The following SPTBN1 variants were observed in gnomAD, a reference collection of about 807,000 sequenced individuals.
SPTBN1 encodes the protein spectrin beta, non-erythrocytic 1.
A neutral mutation model predicts 266.4 loss-of-function variants in SPTBN1; 32 were observed. The observed-to-expected ratio is 0.12, with a 90% CI of 0.09 to 0.16. The LOEUF is 0.16. Among genes scored for constraint, SPTBN1 ranks in the 10% least tolerant of loss-of-function variants. The pLI, the probability that SPTBN1 is intolerant of heterozygous loss-of-function variation, is 1.00. For missense variants in SPTBN1, 2,296 were observed against 3,067.1 expected, an observed-to-expected ratio of 0.75 and a Z score of 5.94; for synonymous variants, 1,336 against 1,162.2, an observed-to-expected ratio of 1.15 and a Z score of -3.04.
rs983707937 is a variant in SPTBN1, at chr2:54,668,584, C to T, written c.*15C>T. The T allele has an allele frequency of 1.3e-6, 2 of 1,591,674 alleles. No individual in the cohort carries two copies. Among genetic ancestry groups the T allele is most frequent in the Non-Finnish European group, 1.7e-6 (2 of 1,168,374 alleles). ...AAAAGAAATGAACTCCTTTCCTTCA[C>T]CTCCTGCCCTTCTCTTACCTTTTCA... is the stretch of plus-strand genomic sequence containing the variant. On this transcript the variant is annotated 3_prime_UTR_variant, in exon 36 of 36. Transcript: ENST00000356805.
intron 1 of SPTBN1, among the ~76,000 whole-genome samples, chr2:54,500,844 G>A (rs6736028): frequency 1.2e-3 from 186 of 152,224 alleles, no homozygotes; most frequent in African/African-American, 3.8e-3. Context: ...GGCTGGCTGC[G>A]CATTTTAAAG....
intron 2 of SPTBN1, among the ~76,000 whole-genome samples, chr2:54,532,687 C>T (rs1352503812): frequency 6.6e-6 from 1 of 152,220 alleles, no homozygotes; most frequent in African/African-American, 2.4e-5. Context: ...ACTTTCCTGA[C>T]CTCTGACCAG....
chr2:54,521,242 G>A (rs113429619), intron 1 of SPTBN1, among the ~76,000 whole-genome samples: 7,917 of 152,240 alleles, frequency 0.052, 645 homozygotes, highest in African/African-American at 0.17. Context: ...CCATACTGTT[G>A]CCCTCACTCT....
intron 2 of SPTBN1, among the ~76,000 whole-genome samples, chr2:54,561,262 A>G (rs1161324683): frequency 1.3e-5 from 2 of 152,140 alleles, no homozygotes; most frequent in East Asian, 1.9e-4. Context: ...CTCCCACCTC[A>G]GCCTCCCAAG....
chr2:54,545,520 T>G (rs929297617), intron 2 of SPTBN1: 4 of 152,354 alleles, frequency 2.6e-5, no homozygotes, highest in Admixed American at 6.5e-5. Context: ...TTAACAAGCC[T>G]ACTATTCTAT....
chr2:54,472,704 G>A (rs1311870681), intron 1 of SPTBN1, among the ~76,000 whole-genome samples: 1 of 152,022 alleles, frequency 6.6e-6, no homozygotes, highest in African/African-American at 2.4e-5. Context: ...GGGTACCTGG[G>A]TGGGGCTGGG....
chr2:54,578,189 G>A (rs1212900722), intron 2 of SPTBN1, among the ~76,000 whole-genome samples: 1 of 152,204 alleles, frequency 6.6e-6, no homozygotes, highest in Non-Finnish European at 1.5e-5. Context: ...GGATTTAAAA[G>A]TACAGTGTTC....
chr2:54,568,808 C>G (rs890170566), intron 2 of SPTBN1, among the ~76,000 whole-genome samples: 3 of 152,194 alleles, frequency 2.0e-5, no homozygotes, highest in African/African-American at 7.2e-5. Flanking sequence ...TGAGTCCATA[C>G]CTGTTTTATG....
rs761877449 is a variant in SPTBN1, at chr2:54,653,554, A to AT, written c.5578-54dup. 2 of 1,592,952 alleles carry AT rather than the reference A, an allele frequency of 1.3e-6. No homozygotes were observed. The highest frequency in any genetic ancestry group is 2.7e-5 in the African/African-American group (2 of 73,628). On this transcript the variant is annotated intron_variant, in intron 26 of 35. Coordinates refer to ENST00000356805, the MANE Select transcript of SPTBN1 (RefSeq NM_003128.3). The surrounding 1 kb of genome is among the most constrained non-coding windows in gnomAD (Gnocchi z 5.1). ...GCAGAACAGAATAGGGCTTGGGGTG[A>AT]TGGTGGGAAGGCCGCCATGGGCTGA...
intron 2 of SPTBN1, chr2:54,529,720 CA>C (rs1671087937): frequency 1.4e-6 from 1 of 709,340 alleles, no homozygotes; most frequent in Non-Finnish European, 2.6e-6. Context: ...CCAAGGTCAA[CA>C]CCCTGATGGA....
intron 27 of SPTBN1, among the ~76,000 whole-genome samples, chr2:54,654,255 G>A (rs1680500975): frequency 6.6e-6 from 1 of 152,100 alleles, no homozygotes; most frequent in Non-Finnish European, 1.5e-5. Context: ...CTGCTTTTTG[G>A]ATTAAAGACC....
intron 7 of SPTBN1, among the ~76,000 whole-genome samples, chr2:54,618,413 C>G (rs538688997): frequency 1.3e-5 from 2 of 152,108 alleles, no homozygotes; most frequent in African/African-American, 2.4e-5. Context: ...AGAGCGTGTG[C>G]GGGCAGAGCT....
chr2:54,630,480 GC>G (rs1412810839), intron 15 of SPTBN1, among the ~76,000 whole-genome samples: 1 of 152,150 alleles, frequency 6.6e-6, no homozygotes, highest in East Asian at 1.9e-4. Context: ...ATGGCACCTG[GC>G]CCCAGTTTTG....
At chr2:54,630,437 T>C (rs371078068) in intron 15 of SPTBN1, among the ~76,000 whole-genome samples, 17 of 152,244 alleles carry the variant, frequency 1.1e-4, no homozygotes, top group South Asian at 6.2e-4. Flanking sequence ...TCCAGTCTTA[T>C]CTTTCTGTTG....
At position 54,659,966 on chromosome 2, in the gene SPTBN1, A is replaced by G. The variant is rs750869301; in HGVS notation, c.6387A>G (p.Gln2129=). ...WDTSKGEQVS[Q]NGLPAEQGSP... Reference sequence around the variant, plus strand: ...CTTCAAAAGGAGAACAAGTTTCCCAAAACGGTTTGCCAGCTGAACAGGGAT... The same window carrying G: ...CTTCAAAAGGAGAACAAGTTTCCCAGAACGGTTTGCCAGCTGAACAGGGAT... The change falls in exon 32 of 36, where the codon CAA becomes CAG. Residue 2129 remains glutamine (Q), a synonymous_variant. Transcript: ENST00000356805. 5.3e-5 allele frequency: 86 copies of G among 1,614,018 alleles called. No homozygotes were observed. Among genetic ancestry groups the G allele is most frequent in the Non-Finnish European group, 6.9e-5 (82 of 1,180,042 alleles).
chr2:54,543,578 A>G (rs1036690087), intron 2 of SPTBN1, among the ~76,000 whole-genome samples: 2 of 151,906 alleles, frequency 1.3e-5, no homozygotes, highest in African/African-American at 2.4e-5. Flanking sequence ...CAGGAAAAGC[A>G]CCAAAAAATA....
chr2:54,670,407 G>A lies in SPTBN1; in HGVS notation c.*1838G>A, dbSNP rs542965474. On this transcript the variant is annotated 3_prime_UTR_variant, in exon 36 of 36. Coordinates refer to ENST00000356805, the MANE Select transcript of SPTBN1 (RefSeq NM_003128.3). ...CAGTAAGTTATTCCACAAAGACCAT[G>A]CCTAAGGTGGCATCAGCCCTGGGCT... The A allele has an allele frequency of 9.6e-6, 3 of 313,612 alleles. No homozygotes were observed. Among genetic ancestry groups the A allele is most frequent in the South Asian group, 1.6e-4 (1 of 6,242 alleles). The allele number at this position is 313,612 out of a possible 1,614,324, so 19.4% of individuals were successfully genotyped here.
At chr2:54,503,234 T>C (rs574493162) in intron 1 of SPTBN1, among the ~76,000 whole-genome samples, 1 of 152,364 alleles carries the variant, frequency 6.6e-6, no homozygotes, top group South Asian at 2.1e-4. Flanking sequence ...ATGCTCCGCA[T>C]GGAGATATGA....
chr2:54,568,925 C>T (rs1333760527), intron 2 of SPTBN1, among the ~76,000 whole-genome samples: 5 of 152,192 alleles, frequency 3.3e-5, no homozygotes, highest in African/African-American at 4.8e-5. Flanking sequence ...ATTAAATGAA[C>T]GTTCCTGTTC....
Sources: gnomAD v4.1 joint callset for allele counts (sites outside exome capture counted in the v4.1 genomes callset) on GRCh38, gnomAD v4.1.1 for gene constraint, Gnocchi (gnomAD v3.1) non-coding constraint, MANE v1.5 for transcripts, NCBI Gene and HGNC (gene_info 2026-07-23, HGNC 2026-07-21) for gene names.